DMRT1: variants seen among roughly 807,000 people sequenced by gnomAD.
DMRT1 encodes the protein doublesex and mab-3 related transcription factor 1.
DMRT1 carries 7 observed loss-of-function variants against 32.3 expected under a neutral mutation model. That is an observed-to-expected ratio of 0.22 (90% CI 0.12 to 0.41). DMRT1 has a LOEUF of 0.41. DMRT1 is among the 10% of genes least tolerant of loss of function. The pLI, the probability that DMRT1 is intolerant of heterozygous loss-of-function variation, is 1.00. For synonymous variants in DMRT1, 278 were observed against 206.1 expected (o/e 1.35, Z -2.99); for missense variants, 625 against 500.5 (o/e 1.25, Z -2.37).
rs544431615 is a variant in DMRT1, at chr9:929,788, C to T, written c.967+12881C>T. ...TTCCTCAATATCTCTTTCCTTAAGT[C>T]CCCCCAGGATGTAAACTGATGGCTC... On this transcript the variant is annotated intron_variant, in intron 4 of 4. Coordinates refer to ENST00000382276, the MANE Select transcript of DMRT1 (RefSeq NM_021951.3). Among the ~76,000 whole-genome samples the T allele has an allele frequency of 3.3e-5, 5 of 152,142 alleles. No individual in the cohort carries two copies. The South Asian group carries it at 1.0e-3, about 32-fold the overall frequency.
intron 4 of DMRT1, among the ~76,000 whole-genome samples, chr9:960,263 T>C (rs1012399210): frequency 6.6e-6 from 1 of 152,262 alleles, no homozygotes; most frequent in African/African-American, 2.4e-5. Context: ...TAAAGAGGGA[T>C]GAAGAAAGCA....
At position 864,752 on chromosome 9, in the gene DMRT1, G is replaced by A. The variant is rs565137675; in HGVS notation, c.538+17609G>A. Among the ~76,000 whole-genome samples, 876 of 151,980 alleles carry A rather than the reference G, an allele frequency of 5.8e-3. 6 individuals are homozygous for A. The highest frequency in any genetic ancestry group is 0.019 in the African/African-American group (799 of 41,426). ...CCTAACCTTGCGATCCGCCCACCTC[G>A]GCCTCCCAAAGTGCTGGGATTACAG... is the stretch of plus-strand genomic sequence containing the variant. On this transcript the variant is annotated intron_variant, in intron 2 of 4. Transcript: ENST00000382276.
chr9:960,516 C>G (rs1004925063), intron 4 of DMRT1, among the ~76,000 whole-genome samples: 2 of 152,222 alleles, frequency 1.3e-5, no homozygotes, highest in Admixed American at 1.3e-4. Context: ...ACTATTTTGT[C>G]TCCTTGATCC....
At chr9:843,842 A>G (rs1838793553) in intron 1 of DMRT1, among the ~76,000 whole-genome samples, 1 of 152,190 alleles carries the variant, frequency 6.6e-6, no homozygotes, top group Non-Finnish European at 1.5e-5. Flanking sequence ...TACTAAACGT[A>G]TTTTGGCTTC....
rs1282166324 is a variant in DMRT1 at position 969,075 on chromosome 9, G to C, written c.*936G>C. The C allele has an allele frequency of 6.6e-6, 1 of 152,576 alleles. No homozygotes were observed. Among genetic ancestry groups the C allele is most frequent in the Non-Finnish European group, 1.5e-5 (1 of 68,030 alleles). 9.5% of individuals were successfully genotyped at this position (152,576 alleles called of 1,614,324 possible). A position where few individuals can be genotyped will look rare whatever the true frequency, so the allele number is the denominator to read the frequency against. ...TTGCAGCTGTACCTGAAATAAAAAT[G>C]TTATTGATGACTGAATTTTCTTGTG... On this transcript the variant is annotated 3_prime_UTR_variant, in exon 5 of 5. Transcript: ENST00000382276.
intron 4 of DMRT1, among the ~76,000 whole-genome samples, chr9:923,990 G>A (rs980876134): frequency 1.3e-5 from 2 of 152,056 alleles, no homozygotes; most frequent in African/African-American, 2.4e-5. Flanking sequence ...CCAGTGAATG[G>A]AAGGGCATTG....
chr9:957,517 C>A (rs914464387), intron 4 of DMRT1, among the ~76,000 whole-genome samples: 1 of 152,186 alleles, frequency 6.6e-6, no homozygotes. Flanking sequence ...ACAGTGTGCA[C>A]TTGGTTCTGT....
intron 3 of DMRT1, among the ~76,000 whole-genome samples, chr9:916,017 G>A (rs1265812844): frequency 6.6e-6 from 1 of 152,194 alleles, no homozygotes; most frequent in African/African-American, 2.4e-5. Context: ...ACAGACGTGA[G>A]CCACTGCGTC....
chr9:846,920 C>G (rs1291738721), intron 1 of DMRT1, 40 bp from the exon 2 acceptor site: 1 of 1,613,160 alleles, frequency 6.2e-7, no homozygotes, highest in Admixed American at 1.7e-5. Flanking sequence ...AAAGCTGATT[C>G]TGGAGTGCTG....
intron 4 of DMRT1, among the ~76,000 whole-genome samples, chr9:918,843 G>A (rs1430841554): frequency 6.6e-6 from 1 of 152,202 alleles, no homozygotes; most frequent in Admixed American, 6.5e-5. Context: ...CCAAATGTGT[G>A]CTATTTTGGC....
chr9:901,695 G>A (rs1024510160), intron 3 of DMRT1, among the ~76,000 whole-genome samples: 1 of 151,566 alleles, frequency 6.6e-6, no homozygotes, highest in Non-Finnish European at 1.5e-5. Context: ...TGAGCTCCAC[G>A]GTCAGGTTTC....
intron 3 of DMRT1, among the ~76,000 whole-genome samples, chr9:913,198 C>T (rs542527460): frequency 2.6e-5 from 4 of 152,190 alleles, no homozygotes; most frequent in South Asian, 4.2e-4. Context: ...TTTTCTTGTA[C>T]CCTGGCAAAA....
intron 1 of DMRT1, among the ~76,000 whole-genome samples, chr9:844,410 C>T (rs756935295): frequency 1.4e-5 from 2 of 141,144 alleles, no homozygotes; most frequent in Non-Finnish European, 2.9e-5. Context: ...GAGAGAAGGT[C>T]CTTAGCATAT....
intron 2 of DMRT1, among the ~76,000 whole-genome samples, chr9:876,473 G>A (rs1435115022): frequency 3.3e-5 from 5 of 151,520 alleles, no homozygotes; most frequent in Non-Finnish European, 1.5e-5. Flanking sequence ...CTTAAAGTTA[G>A]TAGTCATTTA....
chr9:929,251 T>C (rs950677359), intron 4 of DMRT1, among the ~76,000 whole-genome samples: 1 of 152,196 alleles, frequency 6.6e-6, no homozygotes, highest in African/African-American at 2.4e-5. Context: ...GAACAAAGGA[T>C]TGCAGTACCT....
intron 4 of DMRT1, among the ~76,000 whole-genome samples, chr9:957,662 C>T (rs962701033): frequency 2.6e-5 from 4 of 152,102 alleles, no homozygotes; most frequent in Admixed American, 6.6e-5. Flanking sequence ...TTTTTCGATC[C>T]GTAGATGTTC....
At chr9:880,799 C>G (rs143504687) in intron 2 of DMRT1, among the ~76,000 whole-genome samples, 106 of 151,774 alleles carry the variant, frequency 7.0e-4, no homozygotes, top group Middle Eastern at 3.4e-3. Flanking sequence ...TAAGGACCAG[C>G]GGCCTTCCCC....
rs114553560 is a variant in DMRT1 at position 962,165 on chromosome 9, G to A, written c.968-5820G>A. Among the ~76,000 whole-genome samples the A allele has an allele frequency of 3.6e-3, 547 of 152,290 alleles. 4 individuals carry two copies. The highest frequency in any genetic ancestry group is 0.011 in the African/African-American group (474 of 41,576). ...TTGGATTGCGTGTATCACCAAATGCGACACCCCTGGACGGGACTAGTCAAC... is the reference window on the plus strand; with the variant it reads ...TTGGATTGCGTGTATCACCAAATGCAACACCCCTGGACGGGACTAGTCAAC... On this transcript the variant is annotated intron_variant, in intron 4 of 4. Coordinates refer to ENST00000382276, the MANE Select transcript of DMRT1 (RefSeq NM_021951.3).
At chr9:938,685 C>T (rs1409896977) in intron 4 of DMRT1, among the ~76,000 whole-genome samples, 2 of 152,172 alleles carry the variant, frequency 1.3e-5, no homozygotes, top group Non-Finnish European at 2.9e-5. Context: ...TTTACATCCT[C>T]TGTGAACAAA....
Sources: gnomAD v4.1 joint callset for allele counts (sites outside exome capture counted in the v4.1 genomes callset) on GRCh38, gnomAD v4.1.1 for gene constraint, MANE v1.5 for transcripts, NCBI Gene and HGNC (gene_info 2026-07-23, HGNC 2026-07-21) for gene names.